Variants in SDK1 observed in about 807,000 individuals in gnomAD.
SDK1 encodes sidekick cell adhesion molecule 1, also known as protein sidekick-1.
In SDK1, 157 loss-of-function variants were observed where a neutral mutation model predicts 245.5. That is an observed-to-expected ratio of 0.64 (90% CI 0.56 to 0.73). The LOEUF (loss-of-function observed/expected upper bound fraction) is 0.73, where lower values mean the gene tolerates loss of function less well. Among genes scored for constraint, SDK1 ranks in the 30% least tolerant of loss-of-function variants. SDK1 has a pLI of 0.00. For synonymous variants in SDK1, 1,647 were observed against 1,278.5 expected (o/e 1.29, Z -6.15); for missense variants, 3,583 against 3,002.3 (o/e 1.19, Z -4.52).
intron 2 of SDK1, among the ~76,000 whole-genome samples, chr7:3,619,717 G>A (rs1263968009): frequency 6.6e-6 from 1 of 152,184 alleles, no homozygotes; most frequent in Non-Finnish European, 1.5e-5. Context: ...CATGCATACA[G>A]CCTGTATATT....
At chr7:3,870,411 T>C (rs1017648336) in intron 5 of SDK1, among the ~76,000 whole-genome samples, 2 of 152,200 alleles carry the variant, frequency 1.3e-5, no homozygotes, top group African/African-American at 4.8e-5. Flanking sequence ...GTAGGTGTTA[T>C]ACTGAACAAG....
chr7:4,168,027 T>C (rs1203220673), intron 32 of SDK1, among the ~76,000 whole-genome samples: 1 of 152,172 alleles, frequency 6.6e-6, no homozygotes, highest in East Asian at 1.9e-4. Context: ...GACAGGTTAA[T>C]CCCAAAGTCC....
At chr7:3,760,910 A>G (rs1230200047) in intron 4 of SDK1, among the ~76,000 whole-genome samples, 1 of 152,170 alleles carries the variant, frequency 6.6e-6, no homozygotes, top group Non-Finnish European at 1.5e-5. Context: ...GAAGTATTTC[A>G]TTGTCTGGAA....
At chr7:3,314,419 CA>C (rs1211933282) in intron 1 of SDK1, among the ~76,000 whole-genome samples, 4 of 152,130 alleles carry the variant, frequency 2.6e-5, no homozygotes, top group Admixed American at 2.0e-4. Context: ...TCTTGGCCAG[CA>C]GAGAGTTAGA....
chr7:3,832,151 G>A (rs537317615), intron 5 of SDK1, among the ~76,000 whole-genome samples: 2 of 152,230 alleles, frequency 1.3e-5, no homozygotes, highest in African/African-American at 4.8e-5. Flanking sequence ...TGCAGATGAG[G>A]TAACAAATCA....
chr7:3,673,435 A>G (rs997124643), intron 4 of SDK1, among the ~76,000 whole-genome samples: 2 of 152,200 alleles, frequency 1.3e-5, no homozygotes, highest in South Asian at 2.1e-4. Context: ...TATACTCTCT[A>G]TTCCTAGTTG....
intron 1 of SDK1, among the ~76,000 whole-genome samples, chr7:3,456,758 G>C (rs1780681685): frequency 6.6e-6 from 1 of 152,088 alleles, no homozygotes; most frequent in Non-Finnish European, 1.5e-5. Context: ...AGGTTTGGTT[G>C]TGATGTGTGA....
chr7:4,242,951 C>T (rs1313801417), intron 43 of SDK1, among the ~76,000 whole-genome samples: 3 of 152,230 alleles, frequency 2.0e-5, no homozygotes, highest in Non-Finnish European at 4.4e-5. Context: ...GTCCAAAGCA[C>T]CGCAGGCCGC....
intron 30 of SDK1, among the ~76,000 whole-genome samples, chr7:4,157,275 T>G (rs1780793525): frequency 7.4e-6 from 1 of 134,934 alleles, no homozygotes; most frequent in African/African-American, 2.8e-5. Flanking sequence ...GAAGGAAGAA[T>G]GAAGGAGGGG....
chr7:3,484,103 C>T (rs1334846808), intron 1 of SDK1, among the ~76,000 whole-genome samples: 2 of 152,158 alleles, frequency 1.3e-5, no homozygotes, highest in South Asian at 2.1e-4. Flanking sequence ...AAATGCCTTA[C>T]TTCAGTATAT....
intron 5 of SDK1, among the ~76,000 whole-genome samples, chr7:3,916,649 T>A (rs1362970086): frequency 1.3e-5 from 2 of 152,372 alleles, no homozygotes; most frequent in South Asian, 4.1e-4. Flanking sequence ...ACTTTGCCTC[T>A]GTATGTGTGT....
chr7:3,762,309 G>A (rs192008872), intron 4 of SDK1, among the ~76,000 whole-genome samples: 207 of 152,266 alleles, frequency 1.4e-3, no homozygotes, highest in African/African-American at 4.8e-3. Flanking sequence ...TTTGTGGAGA[G>A]GACAGAAAAC....
intron 4 of SDK1, among the ~76,000 whole-genome samples, chr7:3,772,801 T>C (rs1780440848): frequency 6.6e-6 from 1 of 152,204 alleles, no homozygotes; most frequent in African/African-American, 2.4e-5. Flanking sequence ...CTGGGAAATC[T>C]TAATTCCACC....
chr7:3,823,193 G>T (rs1462130950), intron 5 of SDK1, among the ~76,000 whole-genome samples: 1 of 152,130 alleles, frequency 6.6e-6, no homozygotes, highest in African/African-American at 2.4e-5. Context: ...GATTTATTAA[G>T]ATTTTTTCCA....
intron 17 of SDK1, among the ~76,000 whole-genome samples, chr7:4,034,424 C>T (rs1200354022): frequency 6.6e-6 from 1 of 152,210 alleles, no homozygotes; most frequent in Non-Finnish European, 1.5e-5. Flanking sequence ...GAAGTACATA[C>T]TCCAGTATTT....
At chr7:3,878,465 C>T (rs990661672) in intron 5 of SDK1, among the ~76,000 whole-genome samples, 2 of 152,026 alleles carry the variant, frequency 1.3e-5, no homozygotes, top group Non-Finnish European at 2.9e-5. Context: ...TGCAGTGAGC[C>T]AAGATGGCAC....
chr7:3,403,843 ATATATATATATATATATATATATATAAT>A (rs1169257346), intron 1 of SDK1, among the ~76,000 whole-genome samples: 1 of 79,876 alleles, frequency 1.3e-5, no homozygotes, highest in African/African-American at 9.9e-5. Flanking sequence ...ATATATATAT[ATATATATATATATATATATATATATAAT>A]ATATATATTT....
At chr7:4,190,176 T>C (rs1342665522) in intron 35 of SDK1, among the ~76,000 whole-genome samples, 1 of 152,216 alleles carries the variant, frequency 6.6e-6, no homozygotes, top group Non-Finnish European at 1.5e-5. Flanking sequence ...CTCCACAGGC[T>C]GCACTGTCTC....
intron 36 of SDK1, among the ~76,000 whole-genome samples, chr7:4,207,321 GGT>G (rs578184679): frequency 1.3e-3 from 199 of 152,316 alleles, no homozygotes; most frequent in Non-Finnish European, 2.0e-3. Context: ...TCTTCTGATT[GGT>G]GTTGTCTTTG....
Sources: gnomAD v4.1 joint callset for allele counts (sites outside exome capture counted in the v4.1 genomes callset) on GRCh38, gnomAD v4.1.1 for gene constraint, MANE v1.5 for transcripts, NCBI Gene and HGNC (gene_info 2026-07-23, HGNC 2026-07-21) for gene names.